Variants in GRIA2 observed in about 807,000 individuals in gnomAD.
The protein encoded by GRIA2 is glutamate ionotropic receptor AMPA type subunit 2.
GRIA2 carries 14 observed loss-of-function variants against 97.3 expected under a neutral mutation model. The observed-to-expected ratio is 0.14, with a 90% confidence interval of 0.10 to 0.23. The LOEUF (loss-of-function observed/expected upper bound fraction) is 0.23, where lower values mean the gene tolerates loss of function less well. GRIA2 is among the 10% of genes least tolerant of loss of function. The pLI is 1.00. For synonymous variants in GRIA2, 412 were observed against 387.8 expected (o/e 1.06, Z -0.73); for missense variants, 558 against 1,069.8 (o/e 0.52, Z 6.67).
At chr4:157,288,437 G>A (rs1191262731) in intron 2 of GRIA2, among the ~76,000 whole-genome samples, 2 of 151,216 alleles carry the variant, frequency 1.3e-5, no homozygotes, top group Non-Finnish European at 3.0e-5. Flanking sequence ...TTGGAACATC[G>A]CTGTGGCAGT....
chr4:157,355,941 T>TTATATATA (rs1736300864), intron 12 of GRIA2, among the ~76,000 whole-genome samples: 1 of 11,588 alleles, frequency 8.6e-5, no homozygotes, highest in Non-Finnish European at 1.9e-4. Context: ...ATTTATATAT[T>TTATATATA]AATATATATT....
At chr4:157,357,356 C>T (rs1314178378) in intron 12 of GRIA2, among the ~76,000 whole-genome samples, 1 of 151,956 alleles carries the variant, frequency 6.6e-6, no homozygotes, top group Non-Finnish European at 1.5e-5. Flanking sequence ...CAAACAATAG[C>T]TCTTGAAAAG....
chr4:157,289,417 C>T (rs1177472519), intron 2 of GRIA2, among the ~76,000 whole-genome samples: 4 of 151,640 alleles, frequency 2.6e-5, no homozygotes, highest in Admixed American at 6.6e-5. Context: ...TAAGACTTTG[C>T]GAATACTTGA....
chr4:157,361,822 T>A lies in GRIA2; in HGVS notation c.2406+698T>A, dbSNP rs2127002375. ...TGGTAATGCCTGCAGAGTTACTGATTTGTTGTTTTTATTTTATTTTAAATA... is the reference window on the plus strand; with the variant it reads ...TGGTAATGCCTGCAGAGTTACTGATATGTTGTTTTTATTTTATTTTAAATA... On this transcript the variant is annotated intron_variant, in intron 14 of 15. Coordinates refer to ENST00000264426, the MANE Select transcript of GRIA2 (RefSeq NM_001083619.3). This position sits in a 1 kb window ranked among gnomAD's most constrained non-coding sequence, Gnocchi z 5.2. Among the ~76,000 whole-genome samples the A allele has an allele frequency of 6.6e-6, 1 of 152,224 alleles. No individual in the cohort carries two copies. The highest frequency in any genetic ancestry group is 6.5e-5 in the Admixed American group (1 of 15,278).
chr4:157,336,401 T>G lies in GRIA2; in HGVS notation c.1498T>G (p.Leu500Val). 1.3e-6 allele frequency: 2 copies of G among 1,568,052 alleles called. No homozygotes were observed. Among genetic ancestry groups the G allele is most frequent in the Non-Finnish European group, 1.7e-6 (2 of 1,158,680 alleles). The change falls in exon 11 of 16, where the codon TTA becomes GTA. Residue 500 changes from leucine to valine, a missense_variant. By Grantham distance (32) the Leu-to-Val change is conservative (BLOSUM62 1). Transcript: ENST00000264426. ...YGKADIAIAP[L>V]TITLVREEVI... ...GAAAGCTGATATTGCAATTGCTCCA[T>G]TAACTATTACCCTTGTGAGAGAAGA... is the stretch of plus-strand genomic sequence containing the variant.
At chr4:157,249,552 G>A (rs1374984067) in intron 2 of GRIA2, 3 of 152,156 alleles carry the variant, frequency 2.0e-5, no homozygotes, top group Non-Finnish European at 4.4e-5. Flanking sequence ...TTTATAGAAA[G>A]AGCCTGGATT....
chr4:157,262,399 T>C (rs1194463250), intron 2 of GRIA2, among the ~76,000 whole-genome samples: 3 of 152,006 alleles, frequency 2.0e-5, no homozygotes, highest in Non-Finnish European at 4.4e-5. Context: ...GGGCTCTAAC[T>C]TCAAACTCAA....
At chr4:157,351,225 A>G (rs4691395) in intron 12 of GRIA2, among the ~76,000 whole-genome samples, 149,705 of 152,118 alleles carry the variant, frequency 0.98, 73,705 homozygotes, top group Middle Eastern at 1. Context: ...TTCTACCTAA[A>G]GCACAAAAAT....
At position 157,303,543 on chromosome 4, in the gene GRIA2, T is replaced by C. The variant is rs1733707090; in HGVS notation, c.230-9T>C. 6.2e-7 allele frequency: 1 copy of C among 1,609,796 alleles called. No individual in the cohort carries two copies. Among genetic ancestry groups the C allele is most frequent in the South Asian group, 1.1e-5 (1 of 90,968 alleles). On this transcript the variant is annotated splice_polypyrimidine_tract_variant and intron_variant, in intron 2 of 15. Coordinates refer to ENST00000264426, the MANE Select transcript of GRIA2 (RefSeq NM_001083619.3). Reference sequence around the variant, plus strand: ...TGATTTTTCCTTTCTATTTTTCCTATTCTTCTAGTCTGCTCCCAGTTTTCG... The same window carrying C: ...TGATTTTTCCTTTCTATTTTTCCTACTCTTCTAGTCTGCTCCCAGTTTTCG...
chr4:157,363,512 G>A lies in GRIA2; in HGVS notation c.*81G>A, dbSNP rs1389135294. 2.4e-6 allele frequency: 3 copies of A among 1,238,340 alleles called. No individual in the cohort carries two copies. Among genetic ancestry groups the A allele is most frequent in the Non-Finnish European group, 3.0e-6 (3 of 990,000 alleles). The allele number at this position is 1,238,340 out of a possible 1,614,324, so 76.7% of individuals were successfully genotyped here. ...GTACTGGAGAAAATGGACGTGTTATGACTCCAGAATTTCCCAAAGCAGTGC... is the reference window on the plus strand; with the variant it reads ...GTACTGGAGAAAATGGACGTGTTATAACTCCAGAATTTCCCAAAGCAGTGC... On this transcript the variant is annotated 3_prime_UTR_variant, in exon 16 of 16. Transcript: ENST00000264426.
chr4:157,283,902 A>G (rs1732720946), intron 2 of GRIA2, among the ~76,000 whole-genome samples: 1 of 151,898 alleles, frequency 6.6e-6, no homozygotes, highest in Non-Finnish European at 1.5e-5. Context: ...CCAAAGGTAA[A>G]GGTTTAGAGT....
chr4:157,314,666 T>TA (rs1734231204), intron 4 of GRIA2, among the ~76,000 whole-genome samples: 3 of 152,142 alleles, frequency 2.0e-5, no homozygotes. Context: ...TAAAAATATA[T>TA]TTTTCCAAAA....
chr4:157,362,672 T>G (rs898842441), intron 14 of GRIA2, 127 bp from the exon 15 acceptor site: 2 of 797,514 alleles, frequency 2.5e-6, no homozygotes, highest in Non-Finnish European at 4.1e-6. Flanking sequence ...GAAAATCCAT[T>G]GTTTCTCAAA....
intron 2 of GRIA2, among the ~76,000 whole-genome samples, chr4:157,269,960 G>A (rs541513269): frequency 9.9e-5 from 15 of 151,756 alleles, no homozygotes; most frequent in African/African-American, 3.4e-4. Context: ...AAATAAACTC[G>A]GATTTTTCTA....
chr4:157,315,582 C>T (rs1006990476), intron 4 of GRIA2, among the ~76,000 whole-genome samples: 3 of 151,702 alleles, frequency 2.0e-5, no homozygotes, highest in Non-Finnish European at 4.4e-5. Context: ...CTCGCTCTGT[C>T]GCCAGGCTGG....
intron 2 of GRIA2, among the ~76,000 whole-genome samples, chr4:157,264,345 A>C (rs1430897365): frequency 6.6e-6 from 1 of 152,152 alleles, no homozygotes; most frequent in South Asian, 2.1e-4. Context: ...GCCTTGTCCA[A>C]CTTCTAGGGG....
chr4:157,312,010 G>C (rs894582535), intron 3 of GRIA2, among the ~76,000 whole-genome samples: 3 of 151,938 alleles, frequency 2.0e-5, no homozygotes, highest in Non-Finnish European at 2.9e-5. Context: ...TTTGGAAAGA[G>C]AAGTAAATCT....
chr4:157,220,240 C>A (rs1729424820), upstream of GRIA2: 1 of 152,268 alleles, frequency 6.6e-6, no homozygotes, highest in Non-Finnish European at 1.5e-5. Flanking sequence ...GACAGCAGGG[C>A]CTGGTGAGAG....
intron 2 of GRIA2, among the ~76,000 whole-genome samples, chr4:157,299,298 A>G (rs17244157): frequency 0.046 from 7,046 of 152,168 alleles, 215 homozygotes; most frequent in Non-Finnish European, 0.071. Flanking sequence ...GGTTAATGTC[A>G]CAAGTTTAGG....
Sources: gnomAD v4.1 joint callset for allele counts (sites outside exome capture counted in the v4.1 genomes callset) on GRCh38, gnomAD v4.1.1 for gene constraint, Gnocchi (gnomAD v3.1) non-coding constraint, MANE v1.5 for transcripts, NCBI Gene and HGNC (gene_info 2026-07-23, HGNC 2026-07-21) for gene names.